The following MUC12 variants were observed in gnomAD, a reference collection of about 807,000 sequenced individuals.
MUC12 encodes the protein mucin-12.
Under a neutral mutation model 230.8 loss-of-function variants are expected in MUC12, and 172 were observed. The ratio of observed to expected loss-of-function variants is 0.75; its 90% CI spans 0.66 to 0.85. The LOEUF (loss-of-function observed/expected upper bound fraction) is 0.85. Among genes scored for constraint, MUC12 ranks in the 40% least tolerant of loss-of-function variants. The pLI is 0.00. For missense variants in MUC12, 3,506 were observed against 5,920.6 expected (o/e 0.59, Z 13.38); for synonymous variants, 1,259 against 2,401.9 (o/e 0.52, Z 13.91).
rs1794003216 is a variant in MUC12 at position 101,018,797 on chromosome 7, C to T, written c.*161C>T. The T allele has an allele frequency of 1.5e-6, 1 of 669,626 alleles. No homozygotes were observed. Among genetic ancestry groups the T allele is most frequent in the South Asian group, 2.5e-5 (1 of 39,612 alleles). 41.5% of individuals were successfully genotyped at this position (669,626 alleles called of 1,614,324 possible). ...ACTTGGCCAGTCCCCTGCCTGTGCT[C>T]CTGCTGGGGAAGGCTGGGGGCTGTA... is the stretch of plus-strand genomic sequence containing the variant. On this transcript the variant is annotated 3_prime_UTR_variant, in exon 12 of 12. Coordinates refer to ENST00000536621, the MANE Select transcript of MUC12 (RefSeq NM_001164462.2).
chr7:100,986,933 G>A (rs1793198738), intron 1 of MUC12, among the ~76,000 whole-genome samples: 1 of 152,098 alleles, frequency 6.6e-6, no homozygotes, highest in Non-Finnish European at 1.5e-5. Context: ...TTCATAGGCA[G>A]GATGAAGAAA....
In MUC12 at chr7:101,015,614, G is replaced by A. The variant is rs1159693390; in HGVS notation, c.15801-1G>A. Reference sequence around the variant, plus strand: ...GCTGCTCAAGGCATTTCTGTCTGCAGGGAACAGTATGATGTGCCTCAAGAG... The same window carrying A: ...GCTGCTCAAGGCATTTCTGTCTGCAAGGAACAGTATGATGTGCCTCAAGAG... On this transcript the variant is annotated splice_acceptor_variant, in intron 9 of 11. Coordinates refer to ENST00000536621, the MANE Select transcript of MUC12 (RefSeq NM_001164462.2). LOFTEE classifies it high-confidence loss of function. The A allele has an allele frequency of 1.3e-6, 2 of 1,537,498 alleles. No homozygotes were observed. Among genetic ancestry groups the A allele is most frequent in the Admixed American group, 2.0e-5 (1 of 50,978 alleles).
chr7:101,012,495 G>A (rs935783843), intron 6 of MUC12, 48 bp downstream of exon 6: 73 of 1,518,492 alleles, frequency 4.8e-5, no homozygotes, highest in Admixed American at 7.9e-5. Flanking sequence ...CTTGGAGATC[G>A]TGACCTTGAC....
intron 5 of MUC12, among the ~76,000 whole-genome samples, chr7:101,010,166 T>C (rs751974612): frequency 1.1e-4 from 17 of 152,064 alleles, no homozygotes; most frequent in Admixed American, 2.0e-4. Context: ...GGCAGATTTC[T>C]GGGCGGCTGG....
chr7:101,006,856 A>G, intron 3 of MUC12, among the ~76,000 whole-genome samples: 1 of 152,194 alleles, frequency 6.6e-6, no homozygotes, highest in East Asian at 1.9e-4. Flanking sequence ...TTGTTACAGG[A>G]ATGCAATATG....
Position 101,005,092 on chromosome 7 carries a change from G to A in MUC12, c.14529G>A (p.Val4843=). Residue 4843 remains valine (V), a synonymous_variant, in exon 2 of 12, where the codon GTG becomes GTA. Transcript: ENST00000536621. ...LSTVSPASTT[V]PGLSEESTTF... ...CAGTGTCACCTGCCAGCACCACAGT[G>A]CCAGGCCTTAGTGAGGAATCTACCA... 1.3e-6 allele frequency: 2 copies of A among 1,537,824 alleles called. No homozygotes were observed. Among genetic ancestry groups the A allele is most frequent in the Non-Finnish European group, 1.7e-6 (2 of 1,147,032 alleles).
chr7:101,005,029 T>A lies in MUC12; in HGVS notation c.14466T>A (p.Phe4822Leu). Residue 4822 changes from phenylalanine to leucine, a missense_variant, in exon 2 of 12, where the codon TTT (phenylalanine) becomes TTA (leucine). Phe to Leu is a conservative substitution (Grantham distance 22, BLOSUM62 0). Coordinates refer to ENST00000536621, the MANE Select transcript of MUC12 (RefSeq NM_001164462.2). ...SITTSSFAQE[F>L]TTPHSQPGSA... ...CAACTTCATCTTTTGCTCAAGAATT[T>A]ACCACCCCTCATAGCCAACCAGGCT... The A allele has an allele frequency of 6.5e-7, 1 of 1,537,650 alleles. No homozygotes were observed. Among genetic ancestry groups the A allele is most frequent in the Non-Finnish European group, 8.7e-7 (1 of 1,146,996 alleles).
chr7:100,969,688 A>T lies in MUC12; in HGVS notation c.66A>T (p.Pro22=), dbSNP rs73168328. The T allele has an allele frequency of 5.2e-6, 8 of 1,534,928 alleles. No homozygotes were observed. Among genetic ancestry groups the T allele is most frequent in the African/African-American group, 1.4e-5 (1 of 73,036 alleles). The change falls in exon 1 of 12, where the codon CCA becomes CCT. Residue 22 remains proline, a splice_region_variant and synonymous_variant. Coordinates refer to ENST00000536621, the MANE Select transcript of MUC12 (RefSeq NM_001164462.2). ...RLCASVTTVT[P]GSTVNTSIGG... The stretch of plus-strand genomic sequence containing the variant: ...GCGCGTCCGTTACTACAGTGACACC[A>T]GGTGAGTGCTCCTGGGCTGATGCTC...
In MUC12 at chr7:100,992,114, C is replaced by A. The variant is rs375840821; in HGVS notation, c.1551C>A (p.Val517=). The part of the protein sequence containing the change: ...HLPASMTSSG[V]SEESTTSHSR... The stretch of plus-strand genomic sequence containing the variant: ...CTGCCAGCATGACAAGCTCAGGCGT[C>A]AGTGAAGAATCCACCACCTCCCACA... The change falls in exon 2 of 12, where the codon GTC becomes GTA. Residue 517 remains valine (V), a synonymous_variant. Coordinates refer to ENST00000536621, the MANE Select transcript of MUC12 (RefSeq NM_001164462.2). 1 of 1,537,322 alleles carries A rather than the reference C, an allele frequency of 6.5e-7. No individual in the cohort carries two copies. Among genetic ancestry groups the A allele is most frequent in the Non-Finnish European group, 8.7e-7 (1 of 1,146,726 alleles).
intron 5 of MUC12, 136 bp downstream of exon 5, chr7:101,009,295 T>C (rs1278660035): frequency 1.2e-6 from 1 of 851,678 alleles, no homozygotes; most frequent in Non-Finnish European, 1.9e-6. Context: ...TAGGGAACAC[T>C]GGGGGCTGTG....
intron 1 of MUC12, among the ~76,000 whole-genome samples, chr7:100,970,101 G>A (rs1253533726): frequency 5.5e-4 from 84 of 152,246 alleles, no homozygotes; most frequent in African/African-American, 2.0e-3. Context: ...GCTAGCCCTG[G>A]TCGGGAGAGA....
At chr7:101,006,023 CCT>C (rs1246904352) in intron 2 of MUC12, among the ~76,000 whole-genome samples, 4 of 152,128 alleles carry the variant, frequency 2.6e-5, no homozygotes, top group Non-Finnish European at 4.4e-5. Context: ...GTCTCAAACT[CCT>C]GACCTCAAGT....
Position 100,969,689 on chromosome 7 carries a change from G to A in MUC12, c.67G>A (p.Gly23Ser). 5.9e-6 allele frequency: 9 copies of A among 1,536,860 alleles called. No individual in the cohort carries two copies. Among genetic ancestry groups the A allele is most frequent in the Non-Finnish European group, 7.8e-6 (9 of 1,146,788 alleles). The change falls in exon 1 of 12, where the codon GGC becomes AGC. Residue 23 changes from glycine to serine, a missense_variant and splice_region_variant. Transcript: ENST00000536621. ...CGCGTCCGTTACTACAGTGACACCA[G>A]GTGAGTGCTCCTGGGCTGATGCTCC... ...LCASVTTVTP[G>S]STVNTSIGGN...
At chr7:101,015,812 A>G in intron 10 of MUC12, 121 bp downstream of exon 10, 1 of 852,844 alleles carries the variant, frequency 1.2e-6, no homozygotes, top group South Asian at 1.6e-5. Context: ...TGTGACTGAC[A>G]GCCCGTTCCC....
Position 100,990,835 on chromosome 7 carries a change from C to G in MUC12, c.272C>G (p.Thr91Ser). ...STVSHSGPGA[T>S]GTTLFPSHSA... Reference sequence around the variant, plus strand: ...GTATCCCACAGCGGCCCAGGTGCAACTGGAACAACACTCTTCCCTTCCCAC... The same window carrying G: ...GTATCCCACAGCGGCCCAGGTGCAAGTGGAACAACACTCTTCCCTTCCCAC... The change falls in exon 2 of 12, where the codon ACT becomes AGT. Residue 91 changes from threonine (T) to serine (S), a missense_variant. Transcript: ENST00000536621. The G allele has an allele frequency of 6.5e-7, 1 of 1,537,812 alleles. No homozygotes were observed. Among genetic ancestry groups the G allele is most frequent in the Non-Finnish European group, 8.7e-7 (1 of 1,147,036 alleles).
chr7:100,977,769 T>C (rs932360755), intron 1 of MUC12, among the ~76,000 whole-genome samples: 1 of 152,084 alleles, frequency 6.6e-6, no homozygotes, highest in Middle Eastern at 3.4e-3. Context: ...GGTCTTGCTA[T>C]GTTGCCCAGG....
chr7:101,006,544 C>CT lies in MUC12; in HGVS notation c.15032dup (p.Leu5011PhefsTer36). On this transcript the variant is annotated frameshift_variant, in exon 3 of 12. Coordinates refer to ENST00000536621, the MANE Select transcript of MUC12 (RefSeq NM_001164462.2). LOFTEE classifies it high-confidence loss of function. ...CCCAAGGCTACGTTGGTTACCAGTG[C>CT]TTGTCCCCTCTGGAATCCTTCCCTG... The CT allele has an allele frequency of 6.5e-7, 1 of 1,537,096 alleles. No homozygotes were observed. Among genetic ancestry groups the CT allele is most frequent in the South Asian group, 1.2e-5 (1 of 84,050 alleles).
chr7:100,973,031 G>C, intron 1 of MUC12: 2 of 702,960 alleles, frequency 2.8e-6, no homozygotes, highest in Non-Finnish European at 5.2e-6. Flanking sequence ...GCTGGGGAGA[G>C]TGTGGTGGTG....
chr7:101,013,785 G>C (rs937493172), intron 8 of MUC12, 128 bp from the exon 9 acceptor site: 160 of 1,149,516 alleles, frequency 1.4e-4, no homozygotes, highest in Admixed American at 3.1e-5. Flanking sequence ...CAGGCTCTCT[G>C]GGGGCTGAGC....
Sources: gnomAD v4.1 joint callset for allele counts (sites outside exome capture counted in the v4.1 genomes callset) on GRCh38, gnomAD v4.1.1 for gene constraint, MANE v1.5 for transcripts, NCBI Gene and HGNC (gene_info 2026-07-23, HGNC 2026-07-21) for gene names.